The following PCSK2 variants were observed in gnomAD, a reference collection of about 807,000 sequenced individuals.
The protein encoded by PCSK2 is proprotein convertase subtilisin/kexin type 2, also known as neuroendocrine convertase 2.
Under a neutral mutation model 69.7 loss-of-function variants are expected in PCSK2, and 14 were observed. The observed-to-expected ratio is 0.20, with a 90% CI of 0.13 to 0.31. PCSK2 has a LOEUF of 0.31. PCSK2 is among the 10% of genes least tolerant of loss of function. PCSK2 has a pLI of 1.00. For synonymous variants in PCSK2, 307 were observed against 320.7 expected (o/e 0.96, Z 0.46); for missense variants, 544 against 842.5 (o/e 0.65, Z 4.39).
chr20:17,454,422 C>T (rs1244343040), intron 9 of PCSK2, among the ~76,000 whole-genome samples: 1 of 152,174 alleles, frequency 6.6e-6, no homozygotes, highest in Non-Finnish European at 1.5e-5. Context: ...AAATTGCACA[C>T]ACATCTGTTA....
At chr20:17,269,841 A>G (rs1047715927) in intron 2 of PCSK2, among the ~76,000 whole-genome samples, 7 of 152,176 alleles carry the variant, frequency 4.6e-5, no homozygotes, top group African/African-American at 1.7e-4. Context: ...GCCATGAGAA[A>G]GATCATGTTT....
At position 17,450,017 on chromosome 20, in the gene PCSK2, C is replaced by CTTTTTTTTTTTTTTTTT. The variant is rs61156656; in HGVS notation, c.886-3711_886-3695dup. 2.8e-3 allele frequency among the ~76,000 whole-genome samples: 175 copies of CTTTTTTTTTTTTTTTTT among 61,834 alleles called. 23 individuals are homozygous for CTTTTTTTTTTTTTTTTT. The highest frequency in any genetic ancestry group is 3.9e-3 in the Non-Finnish European group (137 of 34,974). The allele number at this position is 61,834 out of a possible 152,430, so 40.6% of individuals were successfully genotyped here. A position where few individuals can be genotyped will look rare whatever the true frequency, so the allele number is the denominator to read the frequency against. On this transcript the variant is annotated intron_variant, in intron 8 of 11. Coordinates refer to ENST00000262545, the MANE Select transcript of PCSK2 (RefSeq NM_002594.5). ...TTTTTAAGTTTGTTGAATTTCTTCC[C>CTTTTTTTTTTTTTTTTT]TTTTTTTTTTTTTTTTTTTTTTTTT...
At chr20:17,320,080 G>A (rs532311453) in intron 2 of PCSK2, among the ~76,000 whole-genome samples, 24 of 152,270 alleles carry the variant, frequency 1.6e-4, no homozygotes, top group African/African-American at 4.6e-4. Context: ...CAGATGTAAT[G>A]AGGGAAAACC....
rs924654760 is a variant in PCSK2 at position 17,481,885 on chromosome 20, G to T, written c.1732G>T (p.Ala578Ser). The change falls in exon 12 of 12, where the codon GCC becomes TCC. Residue 578 changes from alanine to serine, a missense_variant. Around this residue, in one of 3 missense-constraint regions of PCSK2, gnomAD observed 200 missense variants for 287.8 expected, o/e 0.69. Transcript: ENST00000262545. Reference protein sequence around the residue: ...WTLELGFVGSAPQKGVLKEWT... With the variant: ...WTLELGFVGSSPQKGVLKEWT... Reference sequence around the variant, plus strand: ...CCTGGAGCTGGGATTTGTCGGCAGCGCCCCGCAGAAGGGGGTGCTGAAGGA... The same window carrying T: ...CCTGGAGCTGGGATTTGTCGGCAGCTCCCCGCAGAAGGGGGTGCTGAAGGA... 3 of 1,613,854 alleles carry T rather than the reference G, an allele frequency of 1.9e-6. No individual in the cohort carries two copies. In the African/African-American group the frequency reaches 4.0e-5, roughly 22 times the overall value.
At chr20:17,480,789 A>T (rs2033386249) in intron 11 of PCSK2, among the ~76,000 whole-genome samples, 1 of 152,220 alleles carries the variant, frequency 6.6e-6, no homozygotes. Context: ...CTGAGTTGTC[A>T]CGCTGAGGAA....
At chr20:17,270,547 T>C (rs1987820880) in intron 2 of PCSK2, among the ~76,000 whole-genome samples, 1 of 152,156 alleles carries the variant, frequency 6.6e-6, no homozygotes, top group South Asian at 2.1e-4. Context: ...GTGTTTTTCA[T>C]CTTCTCTACG....
chr20:17,378,848 T>C (rs1179192613), intron 5 of PCSK2, among the ~76,000 whole-genome samples: 1 of 152,244 alleles, frequency 6.6e-6, no homozygotes, highest in Non-Finnish European at 1.5e-5. Context: ...TATGCAAATA[T>C]AAGAAAATTG....
intron 2 of PCSK2, among the ~76,000 whole-genome samples, chr20:17,318,478 C>G (rs537347141): frequency 6.6e-5 from 10 of 152,306 alleles, no homozygotes; most frequent in African/African-American, 2.4e-4. Flanking sequence ...ACATTACCAG[C>G]CCCTGTTTCA....
intron 5 of PCSK2, among the ~76,000 whole-genome samples, chr20:17,398,523 C>A (rs1417401782): frequency 5.1e-3 from 431 of 84,926 alleles, no homozygotes; most frequent in East Asian, 0.011. Flanking sequence ...GATCCTGTCT[C>A]AAAAAAAAAA....
chr20:17,425,890 C>G (rs1021030067), intron 6 of PCSK2, among the ~76,000 whole-genome samples: 1 of 152,140 alleles, frequency 6.6e-6, no homozygotes, highest in Non-Finnish European at 1.5e-5. Context: ...CCCATCTGCT[C>G]ACATATTTGC....
intron 2 of PCSK2, among the ~76,000 whole-genome samples, chr20:17,327,982 G>A (rs1546891): frequency 1.3e-5 from 2 of 152,066 alleles, no homozygotes; most frequent in Admixed American, 1.3e-4. Context: ...TTGCTAAGCG[G>A]CTGTGTTTGT....
At chr20:17,479,350 C>T (rs775926457) in intron 11 of PCSK2, 22 of 729,456 alleles carry the variant, frequency 3.0e-5, no homozygotes, top group Non-Finnish European at 5.3e-5. Context: ...CCTAAAACCC[C>T]GTCTGCACAT....
At chr20:17,420,220 G>A (rs998903047) in intron 6 of PCSK2, among the ~76,000 whole-genome samples, 1 of 152,168 alleles carries the variant, frequency 6.6e-6, no homozygotes, top group Non-Finnish European at 1.5e-5. Context: ...CTCTCTGGTT[G>A]GCTATTTTCA....
chr20:17,432,790 A>C (rs1425596850), intron 7 of PCSK2, among the ~76,000 whole-genome samples: 4 of 152,240 alleles, frequency 2.6e-5, no homozygotes, highest in African/African-American at 9.6e-5. Flanking sequence ...TCCTGCCTTC[A>C]GGCCTTTTGT....
intron 2 of PCSK2, among the ~76,000 whole-genome samples, chr20:17,357,163 G>C (rs1324546023): frequency 2.0e-5 from 3 of 152,176 alleles, no homozygotes; most frequent in African/African-American, 7.2e-5. Flanking sequence ...CAAGTTTCCT[G>C]ATTAAAACAA....
intron 11 of PCSK2, among the ~76,000 whole-genome samples, chr20:17,477,644 T>C (rs1469208346): frequency 1.3e-5 from 2 of 152,172 alleles, no homozygotes; most frequent in East Asian, 3.8e-4. Context: ...TATTAATTAT[T>C]GTTATTTGGC....
intron 5 of PCSK2, among the ~76,000 whole-genome samples, chr20:17,390,841 T>C (rs959379031): frequency 3.9e-5 from 6 of 152,170 alleles, no homozygotes; most frequent in African/African-American, 1.4e-4. Context: ...CACTTTCCAA[T>C]TTTGGTGACG....
At chr20:17,459,694 G>T (rs1265547667) in intron 10 of PCSK2, among the ~76,000 whole-genome samples, 2 of 152,162 alleles carry the variant, frequency 1.3e-5, no homozygotes, top group Non-Finnish European at 2.9e-5. Context: ...ACTGGGTAAA[G>T]TTTTTTAAAA....
intron 5 of PCSK2, among the ~76,000 whole-genome samples, chr20:17,402,176 G>C (rs1320559435): frequency 6.6e-6 from 1 of 152,264 alleles, no homozygotes; most frequent in South Asian, 2.1e-4. Context: ...CTCCACCACA[G>C]GGTTTTGGAA....
Sources: gnomAD v4.1 joint callset for allele counts (sites outside exome capture counted in the v4.1 genomes callset) on GRCh38, gnomAD v4.1.1 for gene constraint, gnomAD v4.1.1 regional missense constraint, MANE v1.5 for transcripts, NCBI Gene and HGNC (gene_info 2026-07-23, HGNC 2026-07-21) for gene names.